CACNA1C: variants seen among roughly 807,000 people sequenced by gnomAD.
The protein encoded by CACNA1C is voltage-dependent L-type calcium channel subunit alpha-1C.
CACNA1C carries 30 observed loss-of-function variants against 229.0 expected under a neutral mutation model. The observed-to-expected ratio is 0.13, with a 90% CI of 0.10 to 0.18. The LOEUF (loss-of-function observed/expected upper bound fraction) is 0.18. Among genes scored for constraint, CACNA1C ranks in the 10% least tolerant of loss-of-function variants. CACNA1C has a pLI of 1.00. For synonymous variants in CACNA1C, 1,114 were observed against 1,132.5 expected (o/e 0.98, Z 0.33); for missense variants, 1,658 against 2,845.0 (o/e 0.58, Z 9.49).
chr12:2,305,812 C>T (rs1213750648), intron 3 of CACNA1C, among the ~76,000 whole-genome samples: 1 of 152,194 alleles, frequency 6.6e-6, no homozygotes, highest in Non-Finnish European at 1.5e-5. Flanking sequence ...CACTGCATGC[C>T]ACCCTGGGTG....
Position 2,263,797 on chromosome 12 carries a change from G to A in CACNA1C, c.477+143367G>A, listed in dbSNP as rs563351884. ...CCATGATCCGAGATGGGCAGGAGCT[G>A]GTTGGGGTGGGGGAGGCTCAAGAAT... On this transcript the variant is annotated intron_variant, in intron 3 of 46. Coordinates refer to ENST00000399655, the MANE Select transcript of CACNA1C (RefSeq NM_000719.7). 1.6e-3 allele frequency among the ~76,000 whole-genome samples: 244 copies of A among 152,228 alleles called. 2 individuals are homozygous for A. The highest frequency in any genetic ancestry group is 5.6e-3 in the African/African-American group (231 of 41,530).
Position 2,029,218 on chromosome 12 carries a change from G to A in CACNA1C, c.139+58017G>A, listed in dbSNP as rs961851381. On this transcript the variant is annotated intron_variant, in intron 1 of 46. Transcript: ENST00000682462. The surrounding 1 kb of genome is among the most constrained non-coding windows in gnomAD (Gnocchi z 4.9). ...CAGTCCTGGGAACCTGCATTCTATC[G>A]GAAAGCCAGTTGTCATTCGTGGGGC... 2.6e-5 allele frequency among the ~76,000 whole-genome samples: 4 copies of A among 152,176 alleles called. No homozygotes were observed. The East Asian group carries it at 5.8e-4, about 22-fold the overall frequency.
intron 3 of CACNA1C, among the ~76,000 whole-genome samples, chr12:2,226,614 A>G (rs1266267651): frequency 6.6e-6 from 1 of 152,214 alleles, no homozygotes; most frequent in African/African-American, 2.4e-5. Flanking sequence ...CAGCATGCTT[A>G]AGACCTGGCT....
At chr12:2,066,852 G>T (rs548219415) in intron 1 of CACNA1C, among the ~76,000 whole-genome samples, 79 of 152,110 alleles carry the variant, frequency 5.2e-4, no homozygotes, top group African/African-American at 1.8e-3. Context: ...GGCATGGGGG[G>T]AGCTGGAAAG....
At chr12:2,532,321 G>GTC (rs1568262855) in intron 9 of CACNA1C, among the ~76,000 whole-genome samples, 1 of 152,056 alleles carries the variant, frequency 6.6e-6, no homozygotes, top group African/African-American at 2.4e-5. Context: ...GGATCTCTCT[G>GTC]TCTCTCTCTG....
chr12:2,079,357 C>G (rs973009582), intron 1 of CACNA1C, among the ~76,000 whole-genome samples: 3 of 152,132 alleles, frequency 2.0e-5, no homozygotes, highest in Admixed American at 2.0e-4. Flanking sequence ...GACTGGGTGG[C>G]TTAAACAGCA....
intron 3 of CACNA1C, among the ~76,000 whole-genome samples, chr12:2,395,561 C>A (rs1458114092): frequency 1.3e-5 from 2 of 152,044 alleles, no homozygotes; most frequent in Admixed American, 1.3e-4. Flanking sequence ...ACTCAGTGCG[C>A]CCCCAGTGGC....
intron 4 of CACNA1C, 141 bp downstream of exon 4, chr12:2,449,256 T>G: frequency 1.7e-6 from 1 of 591,168 alleles, no homozygotes; most frequent in Admixed American, 3.9e-5. Context: ...AAAATGAGAT[T>G]TATTTTGCTA....
chr12:2,144,142 A>G (rs975155979), intron 3 of CACNA1C, among the ~76,000 whole-genome samples: 4 of 151,360 alleles, frequency 2.6e-5, no homozygotes, highest in African/African-American at 9.7e-5. Flanking sequence ...ACTAAGACAC[A>G]TGGAAAAATT....
intron 30 of CACNA1C, among the ~76,000 whole-genome samples, chr12:2,641,067 A>T (rs984804055): frequency 6.6e-6 from 1 of 152,218 alleles, no homozygotes. Flanking sequence ...GGCACAAGAA[A>T]GGCAAGGCTG....
rs1288695658 is a variant in CACNA1C at position 2,135,531 on chromosome 12, G to C, written c.477+15101G>C. Among the ~76,000 whole-genome samples the C allele has an allele frequency of 1.7e-4, 22 of 131,900 alleles. 3 individuals are homozygous for C. Among genetic ancestry groups the C allele is most frequent in the Admixed American group, 1.3e-3 (18 of 13,472 alleles). 86.5% of individuals were successfully genotyped at this position (131,900 alleles called of 152,430 possible). On this transcript the variant is annotated intron_variant, in intron 3 of 46. Coordinates refer to ENST00000399655, the MANE Select transcript of CACNA1C (RefSeq NM_000719.7). ...TGTTAGTTTTCCTTCTAACAGACAG[G>C]ACCCTCAGCTGCAGGTCTGTTGGAG...
At chr12:2,637,551 A>G (rs911573965) in intron 30 of CACNA1C, among the ~76,000 whole-genome samples, 1 of 152,214 alleles carries the variant, frequency 6.6e-6, no homozygotes, top group African/African-American at 2.4e-5. Flanking sequence ...CTCTGAAAGC[A>G]CAGTCCGGCT....
chr12:2,410,451 C>T lies in CACNA1C; in HGVS notation c.478-38525C>T, dbSNP rs991507843. Among the ~76,000 whole-genome samples the T allele has an allele frequency of 6.6e-6, 1 of 152,182 alleles. No individual in the cohort carries two copies. The highest frequency in any genetic ancestry group is 1.5e-5 in the Non-Finnish European group (1 of 68,036). On this transcript the variant is annotated intron_variant, in intron 3 of 46. Coordinates refer to ENST00000399655, the MANE Select transcript of CACNA1C (RefSeq NM_000719.7). This position sits in a 1 kb window ranked among gnomAD's most constrained non-coding sequence, Gnocchi z 5.3. ...AGGAATTGGTGCATGATATAGTTTT[C>T]GTTTTCAAAGGACCATGATTTCCAT...
rs1224897088 is a variant in CACNA1C, at chr12:2,605,261, G to A, written c.3048+93G>A. The A allele has an allele frequency of 1.2e-6, 1 of 840,612 alleles. No homozygotes were observed. Among genetic ancestry groups the A allele is most frequent in the Non-Finnish European group, 2.0e-6 (1 of 500,562 alleles). The allele number at this position is 840,612 out of a possible 1,614,324, so 52.1% of individuals were successfully genotyped here. Reference sequence around the variant, plus strand: ...AGGGGTGGGTTGGAAGGAGATGATGGTCAGACCAAGTGGCTGCCATGTGGG... The same window carrying A: ...AGGGGTGGGTTGGAAGGAGATGATGATCAGACCAAGTGGCTGCCATGTGGG... On this transcript the variant is annotated intron_variant, in intron 23 of 46. Transcript: ENST00000399655. This position sits in a 1 kb window ranked among gnomAD's most constrained non-coding sequence, Gnocchi z 6.2.
At chr12:2,565,962 C>T (rs2050666846) in intron 11 of CACNA1C, among the ~76,000 whole-genome samples, 1 of 152,144 alleles carries the variant, frequency 6.6e-6, no homozygotes, top group Admixed American at 6.5e-5. Flanking sequence ...CAGGATAATG[C>T]GTGCTTTGCA....
At chr12:2,337,208 C>G (rs1324067822) in intron 3 of CACNA1C, among the ~76,000 whole-genome samples, 2 of 152,236 alleles carry the variant, frequency 1.3e-5, no homozygotes, top group Non-Finnish European at 2.9e-5. Flanking sequence ...CTGAGGTGTT[C>G]TGCATGGTCA....
chr12:2,073,717 A>G (rs2062154216), intron 1 of CACNA1C, among the ~76,000 whole-genome samples: 1 of 152,244 alleles, frequency 6.6e-6, no homozygotes, highest in Non-Finnish European at 1.5e-5. Context: ...GTGAAATGAA[A>G]GACTGTCTCC....
At chr12:2,205,873 G>T (rs1422832919) in intron 3 of CACNA1C, among the ~76,000 whole-genome samples, 1 of 152,184 alleles carries the variant, frequency 6.6e-6, no homozygotes, top group Admixed American at 6.5e-5. Flanking sequence ...TCTCCTCACT[G>T]TGTCCTCATA....
intron 9 of CACNA1C, among the ~76,000 whole-genome samples, chr12:2,521,268 G>A (rs1339999045): frequency 6.6e-6 from 1 of 152,238 alleles, no homozygotes; most frequent in Admixed American, 6.5e-5. Context: ...GCAGGGGCTG[G>A]GTCGGGTGTT....
Sources: allele counts gnomAD v4.1 joint callset (sites outside exome capture counted in the v4.1 genomes callset), GRCh38; gene constraint gnomAD v4.1.1; non-coding constraint Gnocchi (gnomAD v3.1); transcripts MANE v1.5; gene names NCBI Gene and HGNC (gene_info 2026-07-23, HGNC 2026-07-21).